ZNF804A: variants seen among roughly 807,000 people sequenced by gnomAD.
ZNF804A encodes zinc finger protein 804A.
Under a neutral mutation model 16.5 loss-of-function variants are expected in ZNF804A, and 2 were observed. That is an observed-to-expected ratio of 0.12 (90% CI 0.05 to 0.38). ZNF804A has a LOEUF of 0.38. Ranked by LOEUF, ZNF804A falls within the 10% of genes least tolerant of loss-of-function variation. The pLI, the probability that ZNF804A is intolerant of heterozygous loss-of-function variation, is 0.99. For missense variants in ZNF804A, 1,473 were observed against 1,390.7 expected, an observed-to-expected ratio of 1.06 and a Z score of -0.94; for synonymous variants, 534 against 489.6, an observed-to-expected ratio of 1.09 and a Z score of -1.20.
intron 1 of ZNF804A, among the ~76,000 whole-genome samples, chr2:184,683,030 T>TG (rs1446708560): frequency 6.6e-6 from 1 of 152,122 alleles, no homozygotes; most frequent in Non-Finnish European, 1.5e-5. Flanking sequence ...AGTGAGACCC[T>TG]GTCTCAAAAA....
At position 184,885,406 on chromosome 2, in the gene ZNF804A, T is replaced by G. The variant is rs553573390; in HGVS notation, c.255+18894T>G. On this transcript the variant is annotated intron_variant, in intron 2 of 3. Coordinates refer to ENST00000302277, the MANE Select transcript of ZNF804A (RefSeq NM_194250.2). ...CACATGCTTATGTTCATCACAGCAC[T>G]ATTCACAATAGCAAAGACAGGAAAT... Among the ~76,000 whole-genome samples the G allele has an allele frequency of 2.6e-5, 4 of 152,288 alleles. No individual in the cohort carries two copies. The East Asian group carries it at 7.7e-4, about 29-fold the overall frequency.
intron 1 of ZNF804A, among the ~76,000 whole-genome samples, chr2:184,704,716 G>A (rs1692994883): frequency 6.6e-6 from 1 of 152,194 alleles, no homozygotes; most frequent in Non-Finnish European, 1.5e-5. Context: ...TAAGAACACA[G>A]AGCCTGAGGG....
At chr2:184,674,929 A>G (rs1692397601) in intron 1 of ZNF804A, among the ~76,000 whole-genome samples, 1 of 151,852 alleles carries the variant, frequency 6.6e-6, no homozygotes, top group Non-Finnish European at 1.5e-5. Context: ...TTACTTATTA[A>G]TTGATGAACA....
chr2:184,602,977 A>T (rs1436466200), intron 1 of ZNF804A, among the ~76,000 whole-genome samples: 1 of 152,170 alleles, frequency 6.6e-6, no homozygotes, highest in Non-Finnish European at 1.5e-5. Flanking sequence ...GTGGATAAGT[A>T]GTGCCAGATT....
intron 2 of ZNF804A, among the ~76,000 whole-genome samples, chr2:184,900,675 G>A (rs1028174298): frequency 6.6e-6 from 1 of 152,068 alleles, no homozygotes; most frequent in Non-Finnish European, 1.5e-5. Context: ...TCTATATATA[G>A]GGCAGTTAGC....
At position 184,629,267 on chromosome 2, in the gene ZNF804A, A is replaced by G. The variant is rs949058694; in HGVS notation, c.111+30197A>G. On this transcript the variant is annotated intron_variant, in intron 1 of 3. Coordinates refer to ENST00000302277, the MANE Select transcript of ZNF804A (RefSeq NM_194250.2). ...AGAGAGTAGTTTTAATAATAATGTT[A>G]TTTTTTTGGCCAATATCTTTCCTGC... is the stretch of plus-strand genomic sequence containing the variant. Among the ~76,000 whole-genome samples the G allele has an allele frequency of 1.2e-4, 17 of 144,308 alleles. 1 individual carries two copies. Among genetic ancestry groups the G allele is most frequent in the Admixed American group, 1.2e-3 (17 of 14,552 alleles). The allele number at this position is 144,308 out of a possible 152,430, so 94.7% of individuals were successfully genotyped here. A position where few individuals can be genotyped will look rare whatever the true frequency, so the allele number is the denominator to read the frequency against.
intron 1 of ZNF804A, among the ~76,000 whole-genome samples, chr2:184,764,975 TA>T (rs869088840): frequency 6.6e-6 from 1 of 152,160 alleles, no homozygotes. Context: ...ACTATTTTTT[TA>T]AAAAAACTAT....
At chr2:184,618,049 T>C (rs935786594) in intron 1 of ZNF804A, among the ~76,000 whole-genome samples, 1 of 152,052 alleles carries the variant, frequency 6.6e-6, no homozygotes, top group African/African-American at 2.4e-5. Context: ...TTAACATATG[T>C]ATATTTATAT....
intron 2 of ZNF804A, among the ~76,000 whole-genome samples, chr2:184,883,674 A>C (rs1421091929): frequency 1.3e-5 from 2 of 152,156 alleles, no homozygotes; most frequent in African/African-American, 4.8e-5. Context: ...ATGATTGACT[A>C]TATAAATAGA....
chr2:184,823,621 C>T (rs1321887184), intron 1 of ZNF804A, among the ~76,000 whole-genome samples: 7 of 151,934 alleles, frequency 4.6e-5, no homozygotes, highest in Admixed American at 6.6e-5. Context: ...GTGTGATATA[C>T]GTATTTTTTT....
chr2:184,938,234 T>G lies in ZNF804A; in HGVS notation c.2838T>G (p.Asn946Lys). 6.2e-7 allele frequency: 1 copy of G among 1,614,066 alleles called. No individual in the cohort carries two copies. Among genetic ancestry groups the G allele is most frequent in the Non-Finnish European group, 8.5e-7 (1 of 1,180,010 alleles). ...AAAGAAGTGAGAATATAAATCTTAA[T>G]GAAAAGCAAATTCCTTTTCAGGTGC... is the stretch of plus-strand genomic sequence containing the variant. The part of the protein sequence containing the change: ...HKERSENINL[N>K]EKQIPFQVPN... Residue 946 changes from asparagine to lysine, a missense_variant, in exon 4 of 4, where the codon AAT (asparagine) becomes AAG (lysine). By Grantham distance (94) the Asn-to-Lys change is moderately conservative. Coordinates refer to ENST00000302277, the MANE Select transcript of ZNF804A (RefSeq NM_194250.2).
At chr2:184,790,229 T>C (rs189552459) in intron 1 of ZNF804A, among the ~76,000 whole-genome samples, 1 of 152,122 alleles carries the variant, frequency 6.6e-6, no homozygotes, top group East Asian at 1.9e-4. Context: ...TTTTGTTTTT[T>C]TGTTTTTTTT....
chr2:184,764,725 T>A (rs1694089897), intron 1 of ZNF804A, among the ~76,000 whole-genome samples: 1 of 152,190 alleles, frequency 6.6e-6, no homozygotes, highest in South Asian at 2.1e-4. Context: ...ATAATAAAAC[T>A]GTTTTCATAT....
chr2:184,777,991 A>G (rs1340599518), intron 1 of ZNF804A, among the ~76,000 whole-genome samples: 1 of 151,732 alleles, frequency 6.6e-6, no homozygotes, highest in Non-Finnish European at 1.5e-5. Flanking sequence ...AATGTAATTG[A>G]AATAATGTTT....
At chr2:184,919,950 A>G (rs1282262444) in intron 2 of ZNF804A, among the ~76,000 whole-genome samples, 1 of 152,084 alleles carries the variant, frequency 6.6e-6, no homozygotes, top group African/African-American at 2.4e-5. Flanking sequence ...ATCCATCTCT[A>G]CTAATAATAT....
intron 1 of ZNF804A, among the ~76,000 whole-genome samples, chr2:184,836,317 C>G (rs1695345325): frequency 6.6e-6 from 1 of 152,046 alleles, no homozygotes; most frequent in East Asian, 1.9e-4. Flanking sequence ...GAGCATCCAC[C>G]CAGGCCTGAA....
intron 2 of ZNF804A, among the ~76,000 whole-genome samples, chr2:184,917,749 G>T (rs190681232): frequency 2.1e-4 from 31 of 151,134 alleles, no homozygotes; most frequent in African/African-American, 7.3e-4. Context: ...GCATCCACTG[G>T]GGCTTTTGGA....
At chr2:184,849,229 A>G (rs1695566192) in intron 1 of ZNF804A, among the ~76,000 whole-genome samples, 1 of 151,956 alleles carries the variant, frequency 6.6e-6, no homozygotes. Context: ...TGGGTTGTTA[A>G]TTTATCAGTA....
At chr2:184,757,370 A>T (rs896465620) in intron 1 of ZNF804A, among the ~76,000 whole-genome samples, 1 of 151,886 alleles carries the variant, frequency 6.6e-6, no homozygotes, top group African/African-American at 2.4e-5. Flanking sequence ...CCTCTTAAAC[A>T]TGTGCAGGTT....
Sources: allele counts gnomAD v4.1 joint callset (sites outside exome capture counted in the v4.1 genomes callset), GRCh38; gene constraint gnomAD v4.1.1; transcripts MANE v1.5; gene names NCBI Gene and HGNC (gene_info 2026-07-23, HGNC 2026-07-21).